The following FAR2 variants were observed in gnomAD, a reference collection of about 807,000 sequenced individuals.
The protein encoded by FAR2 is fatty acyl-CoA reductase 2.
FAR2 carries 19 observed loss-of-function variants against 56.0 expected under a neutral mutation model. The observed-to-expected ratio is 0.34, with a 90% CI of 0.24 to 0.50. FAR2 has a LOEUF of 0.50. Among genes scored for constraint, FAR2 ranks in the 20% least tolerant of loss-of-function variants. The pLI is 0.98. For synonymous variants in FAR2, 219 were observed against 218.8 expected, an observed-to-expected ratio of 1.00 and a Z score of -0.01; for missense variants, 508 against 642.2, an observed-to-expected ratio of 0.79 and a Z score of 2.26.
intron 4 of FAR2, among the ~76,000 whole-genome samples, chr12:29,300,846 T>C (rs1343578306): frequency 2.0e-5 from 3 of 152,234 alleles, no homozygotes; most frequent in East Asian, 1.9e-4. Flanking sequence ...AGAAAATCAG[T>C]TGAATGGGAA....
At chr12:29,272,924 G>A (rs1948642576) in intron 2 of FAR2, among the ~76,000 whole-genome samples, 1 of 152,026 alleles carries the variant, frequency 6.6e-6, no homozygotes. Context: ...AGTTTGCTGG[G>A]CATTCGCTTC....
chr12:29,257,461 C>G (rs964322458), intron 1 of FAR2, among the ~76,000 whole-genome samples: 3 of 152,130 alleles, frequency 2.0e-5, no homozygotes, highest in African/African-American at 7.2e-5. Flanking sequence ...AGCAGGCTGC[C>G]CAAGCCAGCA....
rs545061389 is a variant in FAR2 at position 29,195,088 on chromosome 12, T to C, written c.-39+45681T>C. Among the ~76,000 whole-genome samples, 4 of 152,340 alleles carry C rather than the reference T, an allele frequency of 2.6e-5. 1 individual carries two copies. In the South Asian group the frequency reaches 8.3e-4, roughly 32 times the overall value. Reference sequence around the variant, plus strand: ...GATCACTGTTAGGAAAGAGAAGCCCTATAAATTCTTGCTATTTACTTCTGT... The same window carrying C: ...GATCACTGTTAGGAAAGAGAAGCCCCATAAATTCTTGCTATTTACTTCTGT... On this transcript the variant is annotated intron_variant, in intron 1 of 11. Transcript: ENST00000536681.
chr12:29,252,563 T>A (rs1457053674), intron 1 of FAR2, among the ~76,000 whole-genome samples: 1 of 152,236 alleles, frequency 6.6e-6, no homozygotes, highest in African/African-American at 2.4e-5. Context: ...ATGCAACATG[T>A]GTCGACTTTT....
chr12:29,327,982 AG>A (rs1338443521), intron 10 of FAR2, among the ~76,000 whole-genome samples: 1 of 152,208 alleles, frequency 6.6e-6, no homozygotes, highest in African/African-American at 2.4e-5. Flanking sequence ...ACAGAATGGG[AG>A]AAAATTTTTG....
At chr12:29,295,686 C>T (rs1212558175) in intron 3 of FAR2, among the ~76,000 whole-genome samples, 1 of 149,754 alleles carries the variant, frequency 6.7e-6, no homozygotes, top group Non-Finnish European at 1.5e-5. Context: ...AAACGTTCAA[C>T]TTTGGACATT....
intron 1 of FAR2, among the ~76,000 whole-genome samples, chr12:29,256,760 C>A (rs1039772753): frequency 1.2e-4 from 18 of 152,210 alleles, no homozygotes; most frequent in African/African-American, 3.9e-4. Flanking sequence ...CCTGCCAGCC[C>A]CGGCAATGAA....
chr12:29,305,711 A>G (rs930737777), intron 4 of FAR2, among the ~76,000 whole-genome samples: 4 of 152,222 alleles, frequency 2.6e-5, no homozygotes, highest in Non-Finnish European at 4.4e-5. Context: ...TTTCACAAGT[A>G]CAATTGGAAT....
chr12:29,189,717 C>A (rs1459611499), intron 1 of FAR2, among the ~76,000 whole-genome samples: 1 of 152,198 alleles, frequency 6.6e-6, no homozygotes, highest in East Asian at 1.9e-4. Context: ...TACTAATACA[C>A]TGCCACAGGG....
At chr12:29,170,632 T>C (rs1381436649) in intron 1 of FAR2, among the ~76,000 whole-genome samples, 1 of 152,116 alleles carries the variant, frequency 6.6e-6, no homozygotes, top group East Asian at 1.9e-4. Flanking sequence ...TCTTTGACTT[T>C]CTGTCTCTCT....
chr12:29,294,205 G>C (rs559189191), intron 3 of FAR2, among the ~76,000 whole-genome samples: 1 of 152,226 alleles, frequency 6.6e-6, no homozygotes, highest in East Asian at 1.9e-4. Flanking sequence ...GTATTTCTTT[G>C]ATGATTACAA....
intron 1 of FAR2, among the ~76,000 whole-genome samples, chr12:29,246,437 ATTC>A (rs138307459): frequency 0.038 from 5,785 of 152,226 alleles, 145 homozygotes; most frequent in Non-Finnish European, 0.049. Flanking sequence ...TAGACTTGGA[ATTC>A]TTCTGTCTTT....
intron 4 of FAR2, among the ~76,000 whole-genome samples, chr12:29,301,447 G>A (rs1309776112): frequency 6.6e-6 from 1 of 152,202 alleles, no homozygotes. Flanking sequence ...CAGAATAACA[G>A]CTTATGTAGA....
rs1949344768 is a variant in FAR2 at position 29,311,156 on chromosome 12, C to T, written c.887+10C>T. 3 of 1,583,644 alleles carry T rather than the reference C, an allele frequency of 1.9e-6. No homozygotes were observed. The highest frequency in any genetic ancestry group is 2.6e-6 in the Non-Finnish European group (3 of 1,152,850). On this transcript the variant is annotated intron_variant, in intron 7 of 11. Coordinates refer to ENST00000536681, the MANE Select transcript of FAR2 (RefSeq NM_001271783.2). Reference sequence around the variant, plus strand: ...ATACTGCAGTTCACAGGTGTGGATGCTCAAGTGGGCTTTCAAAGACTTCAT... The same window carrying T: ...ATACTGCAGTTCACAGGTGTGGATGTTCAAGTGGGCTTTCAAAGACTTCAT...
At chr12:29,326,171 C>T (rs1022380460) in intron 10 of FAR2, among the ~76,000 whole-genome samples, 14 of 151,332 alleles carry the variant, frequency 9.3e-5, no homozygotes, top group East Asian at 1.9e-4. Context: ...ATAAATTCCT[C>T]GACACATACA....
chr12:29,284,211 T>G (rs1948833594), intron 2 of FAR2, among the ~76,000 whole-genome samples: 1 of 152,216 alleles, frequency 6.6e-6, no homozygotes, highest in East Asian at 1.9e-4. Flanking sequence ...GCTCAGACAC[T>G]GAAAAATGTA....
At chr12:29,218,621 T>C (rs1947650422) in intron 1 of FAR2, among the ~76,000 whole-genome samples, 1 of 152,102 alleles carries the variant, frequency 6.6e-6, no homozygotes, top group African/African-American at 2.4e-5. Flanking sequence ...TTTTACAAAA[T>C]TGGTTTTTAA....
chr12:29,257,839 G>T (rs7304457), intron 1 of FAR2, among the ~76,000 whole-genome samples: 5 of 151,932 alleles, frequency 3.3e-5, no homozygotes, highest in African/African-American at 9.7e-5. Context: ...CGAGGGTCCG[G>T]GGCTTCATTC....
At chr12:29,323,220 A>C (rs1949582386) in intron 10 of FAR2, among the ~76,000 whole-genome samples, 1 of 152,218 alleles carries the variant, frequency 6.6e-6, no homozygotes, top group Non-Finnish European at 1.5e-5. Context: ...GCCATTGCTC[A>C]GGCCTGAGTA....
Sources: gnomAD v4.1 joint callset for allele counts (sites outside exome capture counted in the v4.1 genomes callset) on GRCh38, gnomAD v4.1.1 for gene constraint, MANE v1.5 for transcripts, NCBI Gene and HGNC (gene_info 2026-07-23, HGNC 2026-07-21) for gene names.